The following A3GALT2 variants were observed in gnomAD, a reference collection of about 807,000 sequenced individuals.
A3GALT2 encodes alpha-1,3-galactosyltransferase 2.
Under a neutral mutation model 16.6 loss-of-function variants are expected in A3GALT2, and 14 were observed. The observed-to-expected ratio is 0.84, with a 90% CI of 0.56 to 1.32. The LOEUF (loss-of-function observed/expected upper bound fraction) is 1.32, where lower values mean the gene tolerates loss of function less well. A3GALT2 is among the 40% of genes most tolerant of loss of function. A3GALT2 has a pLI of 0.00. For synonymous variants in A3GALT2, 253 were observed against 218.0 expected, an observed-to-expected ratio of 1.16 and a Z score of -1.42; for missense variants, 600 against 490.9, an observed-to-expected ratio of 1.22 and a Z score of -2.10.
At chr1:33,310,810 C>G (rs1305001180) in intron 4 of A3GALT2, among the ~76,000 whole-genome samples, 1 of 152,156 alleles carries the variant, frequency 6.6e-6, no homozygotes, top group Non-Finnish European at 1.5e-5. Context: ...GAGTGTCTGA[C>G]CCTAGGGCTG....
intron 4 of A3GALT2, among the ~76,000 whole-genome samples, chr1:33,309,930 C>A (rs977805045): frequency 1.5e-4 from 23 of 152,390 alleles, no homozygotes; most frequent in Non-Finnish European, 2.8e-4. Context: ...GCAATCTCGG[C>A]ACTTTGGTAG....
Position 33,307,054 on chromosome 1 carries a change from C to T in A3GALT2, c.735G>A (p.Ala245=). The T allele has an allele frequency of 3.3e-6, 5 of 1,512,550 alleles. No homozygotes were observed. In the South Asian group the frequency reaches 3.7e-5, roughly 11 times the overall value. 93.7% of individuals were successfully genotyped at this position (1,512,550 alleles called of 1,614,324 possible). The change falls in exon 5 of 5, where the codon GCG becomes GCA. Residue 245 remains alanine, a synonymous_variant. Transcript: ENST00000442999. ...ERDAHSAAAM[A]WGQGDFYNHA... is the part of the protein sequence containing the mutation. ...GGTTATAGAAGTCGCCCTGGCCCCA[C>T]GCCATCGCGGCGGCCGAATGCGCGT...
rs944217089 is a variant in A3GALT2 at position 33,319,432 on chromosome 1, G to T, written c.23+1644C>A. ...TGACAGCTCACCTCTGCAAGGCTGG[G>T]CGGCCTCATTGGTGTGAATCAGATG... On this transcript the variant is annotated intron_variant, in intron 1 of 4. Coordinates refer to ENST00000442999, the MANE Select transcript of A3GALT2 (RefSeq NM_001080438.1). Among the ~76,000 whole-genome samples, 4 of 152,148 alleles carry T rather than the reference G, an allele frequency of 2.6e-5. No homozygotes were observed. The South Asian group carries it at 8.3e-4, about 32-fold the overall frequency.
In A3GALT2 at chr1:33,306,965, C is replaced by T. The variant is rs755958173; in HGVS notation, c.824G>A (p.Gly275Asp). 11 of 1,489,620 alleles carry T rather than the reference C, an allele frequency of 7.4e-6. No homozygotes were observed. The South Asian group carries it at 1.0e-4, about 14-fold the overall frequency. The allele number at this position is 1,489,620 out of a possible 1,614,324, so 92.3% of individuals were successfully genotyped here. The change falls in exon 5 of 5, where the codon GGC becomes GAC. Residue 275 changes from glycine (G) to aspartate (D), a missense_variant. By Grantham distance (94) the Gly-to-Asp change is moderately conservative (BLOSUM62 -1). Coordinates refer to ENST00000442999, the MANE Select transcript of A3GALT2 (RefSeq NM_001080438.1). ...GCCGCGCGCGCGGTCCCAGTCCAGG[C>T]CCCCCGCACAGTGCGCCGTCAGCCC... ...LRGLTAHCAGGLDWDRARGLE... is the reference protein window; with the variant it reads ...LRGLTAHCAGDLDWDRARGLE...
In A3GALT2 at chr1:33,320,231, C is replaced by A. The variant is rs1039694300; in HGVS notation, c.23+845G>T. ...GTACTGGGAGCTGGCAAGGCTGCCTCGGGAGGTGCACTGTGGGAGGTGTGC... is the reference window on the plus strand; with the variant it reads ...GTACTGGGAGCTGGCAAGGCTGCCTAGGGAGGTGCACTGTGGGAGGTGTGC... On this transcript the variant is annotated intron_variant, in intron 1 of 4. Transcript: ENST00000442999. This position sits in a 1 kb window ranked among gnomAD's most constrained non-coding sequence, Gnocchi z 4.3. Among the ~76,000 whole-genome samples the A allele has an allele frequency of 2.0e-5, 3 of 151,990 alleles. No homozygotes were observed. Among genetic ancestry groups the A allele is most frequent in the African/African-American group, 7.2e-5 (3 of 41,440 alleles).
rs145544468 is a variant in A3GALT2, at chr1:33,308,572, T to C, written c.336-1119A>G. 1.1e-4 allele frequency among the ~76,000 whole-genome samples: 16 copies of C among 151,592 alleles called. No homozygotes were observed. In the East Asian group the frequency reaches 2.9e-3, roughly 28 times the overall value. Reference sequence around the variant, plus strand: ...AGTGGCCACCACCACGCCCGGCCAATTTTTTTGTATTTTTAGTAGAGATGG... The same window carrying C: ...AGTGGCCACCACCACGCCCGGCCAACTTTTTTGTATTTTTAGTAGAGATGG... On this transcript the variant is annotated intron_variant, in intron 4 of 4. Transcript: ENST00000442999.
chr1:33,307,477 G>A (rs1646201299), intron 4 of A3GALT2, 24 bp from the exon 5 acceptor site: 1 of 1,452,846 alleles, frequency 6.9e-7, no homozygotes, highest in Non-Finnish European at 9.0e-7. Flanking sequence ...GCCACCGTCA[G>A]CCTGAGAGTG....
At chr1:33,313,183 T>TTG (rs2148160962) in intron 1 of A3GALT2, 2 of 246,196 alleles carry the variant, frequency 8.1e-6, no homozygotes, top group Non-Finnish European at 1.5e-5. Flanking sequence ...GAGTTTTTTT[T>TTG]TTTTTTTTTT....
chr1:33,306,957 A>C lies in A3GALT2; in HGVS notation c.832T>G (p.Trp278Gly). The change falls in exon 5 of 5, where the codon TGG (tryptophan) becomes GGG (glycine). Residue 278 changes from tryptophan to glycine, a missense_variant. By Grantham distance (184) the Trp-to-Gly change is radical (BLOSUM62 -2). Transcript: ENST00000442999. ...LTAHCAGGLD[W>G]DRARGLEARW... Reference sequence around the variant, plus strand: ...GCCTCCAGGCCGCGCGCGCGGTCCCAGTCCAGGCCCCCCGCACAGTGCGCC... The same window carrying C: ...GCCTCCAGGCCGCGCGCGCGGTCCCCGTCCAGGCCCCCCGCACAGTGCGCC... The C allele has an allele frequency of 6.7e-7, 1 of 1,503,618 alleles. No individual in the cohort carries two copies. Among genetic ancestry groups the C allele is most frequent in the Non-Finnish European group, 8.8e-7 (1 of 1,132,768 alleles). 93.1% of individuals were successfully genotyped at this position (1,503,618 alleles called of 1,614,324 possible).
At position 33,313,017 on chromosome 1, in the gene A3GALT2, G is replaced by A; in HGVS notation, c.24-127C>T. ...GTTCTTCTGCATGAAGGTAGCCAGT[G>A]TTACCAGTTTCTTGTGCAGGGGCAT... On this transcript the variant is annotated intron_variant, in intron 1 of 4. Transcript: ENST00000442999. 5.2e-6 allele frequency: 4 copies of A among 767,540 alleles called. No homozygotes were observed. In the South Asian group the frequency reaches 6.4e-5, roughly 12 times the overall value. 47.5% of individuals were successfully genotyped at this position (767,540 alleles called of 1,614,324 possible). A position where few individuals can be genotyped will look rare whatever the true frequency, so the allele number is the denominator to read the frequency against.
In A3GALT2 at chr1:33,320,989, T is replaced by G; in HGVS notation, c.23+87A>C. 6.4e-7 allele frequency: 1 copy of G among 1,555,422 alleles called. No homozygotes were observed. Among genetic ancestry groups the G allele is most frequent in the Non-Finnish European group, 8.9e-7 (1 of 1,129,220 alleles). On this transcript the variant is annotated intron_variant, in intron 1 of 4. Transcript: ENST00000442999. The surrounding 1 kb of genome is among the most constrained non-coding windows in gnomAD (Gnocchi z 4.3). Reference sequence around the variant, plus strand: ...CTGGGCTCACTCTGGTGCCTCCCCTTGGTACTGTTTTAGCCATCAGACTGG... The same window carrying G: ...CTGGGCTCACTCTGGTGCCTCCCCTGGGTACTGTTTTAGCCATCAGACTGG...
chr1:33,318,766 C>T (rs967164372), intron 1 of A3GALT2, among the ~76,000 whole-genome samples: 1 of 152,166 alleles, frequency 6.6e-6, no homozygotes, highest in Admixed American at 6.5e-5. Flanking sequence ...CCGTTAGGTC[C>T]CTCCCCCAGG....
intron 3 of A3GALT2, 147 bp from the exon 4 acceptor site, chr1:33,312,336 G>T (rs911523514): frequency 4.4e-6 from 6 of 1,350,728 alleles, no homozygotes; most frequent in Non-Finnish European, 5.0e-6. Context: ...CCAGCTCAGA[G>T]CAACACAGAG....
chr1:33,307,569 C>T (rs1469380019), intron 4 of A3GALT2, 116 bp from the exon 5 acceptor site: 3 of 721,874 alleles, frequency 4.2e-6, no homozygotes, highest in African/African-American at 4.7e-5. Context: ...CCCACCCTCA[C>T]CCCCACTCCC....
chr1:33,309,345 G>A (rs558158630), intron 4 of A3GALT2, among the ~76,000 whole-genome samples: 10 of 151,918 alleles, frequency 6.6e-5, no homozygotes, highest in Non-Finnish European at 1.5e-4. Context: ...CGGGGTGGCT[G>A]GGCAGAGGCG....
intron 1 of A3GALT2, chr1:33,314,760 A>C (rs982977180): frequency 6.6e-6 from 1 of 152,212 alleles, no homozygotes; most frequent in Non-Finnish European, 1.5e-5. Context: ...CACTTCCTCC[A>C]CAACCCCAGA....
At chr1:33,317,847 A>T (rs934611559) in intron 1 of A3GALT2, among the ~76,000 whole-genome samples, 1 of 152,244 alleles carries the variant, frequency 6.6e-6, no homozygotes, top group Admixed American at 6.5e-5. Context: ...GAAATCTGAA[A>T]TTCAAAATGC....
In A3GALT2 at chr1:33,312,158, A is replaced by T; in HGVS notation, c.229T>A (p.Trp77Arg). 1 of 1,613,406 alleles carries T rather than the reference A, an allele frequency of 6.2e-7. No homozygotes were observed. The highest frequency in any genetic ancestry group is 8.5e-7 in the Non-Finnish European group (1 of 1,179,798). The change falls in exon 4 of 5, where the codon TGG (tryptophan) becomes AGG (arginine). Residue 77 changes from tryptophan (W) to arginine (R), a missense_variant. Trp to Arg is a moderately radical substitution (Grantham distance 101). Transcript: ENST00000442999. ...CCATCCCAAATAATGGGAGCCCCCC[A>T]GGGGGTACAGGTCAGAACTTCAGGC... ...ARPEVLTCTP[W>R]GAPIIWDGSF...
chr1:33,312,524 G>A lies in A3GALT2; in HGVS notation c.174C>T (p.Asn58=). 6.2e-7 allele frequency: 1 copy of A among 1,602,162 alleles called. No homozygotes were observed. Among genetic ancestry groups the A allele is most frequent in the Non-Finnish European group, 8.5e-7 (1 of 1,173,752 alleles). ...PSATMSQLRD[N]FTGALRPWAR... is the part of the protein sequence containing the mutation. ...ACCAGGGACGCAGGGCACCTGTGAAGTTGTCTCTCAGCTGGGACATTGTGG... is the reference window on the plus strand; with the variant it reads ...ACCAGGGACGCAGGGCACCTGTGAAATTGTCTCTCAGCTGGGACATTGTGG... Residue 58 remains asparagine, a synonymous_variant, in exon 3 of 5, where the codon AAC becomes AAT. Coordinates refer to ENST00000442999, the MANE Select transcript of A3GALT2 (RefSeq NM_001080438.1).
Sources: allele counts gnomAD v4.1 joint callset (sites outside exome capture counted in the v4.1 genomes callset), GRCh38; gene constraint gnomAD v4.1.1; non-coding constraint Gnocchi (gnomAD v3.1); transcripts MANE v1.5; gene names NCBI Gene and HGNC (gene_info 2026-07-23, HGNC 2026-07-21).